The following SV2C variants were observed in gnomAD, a reference collection of about 807,000 sequenced individuals.
SV2C encodes solute carrier family 22 member B3.
SV2C carries 49 observed loss-of-function variants against 79.7 expected under a neutral mutation model. The ratio of observed to expected loss-of-function variants is 0.61; its 90% confidence interval spans 0.49 to 0.78. The LOEUF is 0.78. Among genes scored for constraint, SV2C ranks in the 30% least tolerant of loss-of-function variants. The probability of loss-of-function intolerance (pLI) is 0.00; values close to 1 mark genes in which losing one functional copy is unlikely to be tolerated. For synonymous variants in SV2C, 334 were observed against 333.2 expected, an observed-to-expected ratio of 1.00 and a Z score of -0.03; for missense variants, 833 against 912.9, an observed-to-expected ratio of 0.91 and a Z score of 1.13.
the SV2C span, among the ~76,000 whole-genome samples, chr5:75,948,262 T>C: frequency 3.3e-5 from 5 of 152,206 alleles, no homozygotes; most frequent in South Asian, 1.0e-3. Flanking sequence ...GTATTATGTT[T>C]TGAAATGTGG....
chr5:76,038,286 G>A, the SV2C span, among the ~76,000 whole-genome samples: 1 of 152,238 alleles, frequency 6.6e-6, no homozygotes, highest in Non-Finnish European at 1.5e-5. Flanking sequence ...AAATCAGTGA[G>A]TGAATGGATA....
At chr5:76,245,155 T>C (rs1561281434) in intron 4 of SV2C, among the ~76,000 whole-genome samples, 1 of 152,178 alleles carries the variant, frequency 6.6e-6, no homozygotes, top group Non-Finnish European at 1.5e-5. Context: ...TCTCTATATA[T>C]TTATATTTGC....
At chr5:75,880,481 C>T in the SV2C span, among the ~76,000 whole-genome samples, 15 of 152,196 alleles carry the variant, frequency 9.9e-5, no homozygotes, top group African/African-American at 3.4e-4. Context: ...TAAACCATCA[C>T]TCTTAAGTTT....
At chr5:76,295,267 G>A (rs1413049102) in intron 8 of SV2C, among the ~76,000 whole-genome samples, 3 of 152,202 alleles carry the variant, frequency 2.0e-5, no homozygotes, top group African/African-American at 4.8e-5. Context: ...GTCCTCCAGA[G>A]GGGACAAATA....
chr5:76,082,796 A>G (rs1252790931), upstream of SV2C, among the ~76,000 whole-genome samples: 5 of 151,900 alleles, frequency 3.3e-5, no homozygotes, highest in Non-Finnish European at 5.9e-5. Flanking sequence ...TTTCCTCTGG[A>G]CTTGTCTTCC....
the SV2C span, among the ~76,000 whole-genome samples, chr5:76,001,985 A>C: frequency 6.6e-6 from 1 of 151,764 alleles, no homozygotes; most frequent in East Asian, 1.9e-4. Context: ...AAAGTCCACT[A>C]TATCATTCTT....
chr5:75,898,139 C>T, the SV2C span, among the ~76,000 whole-genome samples: 1 of 152,178 alleles, frequency 6.6e-6, no homozygotes, highest in East Asian at 1.9e-4. Flanking sequence ...GCATCCCTGT[C>T]TTGTGCCAGT....
chr5:76,317,662 C>T (rs373606830), intron 12 of SV2C, among the ~76,000 whole-genome samples: 12 of 152,054 alleles, frequency 7.9e-5, no homozygotes, highest in African/African-American at 2.7e-4. Context: ...GGTACCCCAT[C>T]TCTACAAAAT....
intron 4 of SV2C, among the ~76,000 whole-genome samples, chr5:76,273,019 C>A (rs75422026): frequency 0.06 from 9,162 of 151,616 alleles, 406 homozygotes; most frequent in Middle Eastern, 0.11. Context: ...TATACAATGT[C>A]TATTTATAGA....
At chr5:75,985,987 A>G in the SV2C span, among the ~76,000 whole-genome samples, 5 of 151,652 alleles carry the variant, frequency 3.3e-5, no homozygotes, top group South Asian at 4.2e-4. Context: ...ACGTGTTTGT[A>G]TCTGTATTCT....
the SV2C span, chr5:75,911,891 C>T: frequency 7.8e-6 from 4 of 515,416 alleles, no homozygotes; most frequent in Admixed American, 6.0e-5. Flanking sequence ...GCCAAGACTC[C>T]TCTCACCCCA....
chr5:76,324,660 G>A (rs1479399725), intron 12 of SV2C, among the ~76,000 whole-genome samples: 3 of 151,366 alleles, frequency 2.0e-5, no homozygotes, highest in Admixed American at 1.3e-4. Flanking sequence ...CCAGGGCAAC[G>A]CAGGAGGACA....
At chr5:76,034,817 A>G in the SV2C span, among the ~76,000 whole-genome samples, 1 of 152,236 alleles carries the variant, frequency 6.6e-6, no homozygotes, top group Non-Finnish European at 1.5e-5. Flanking sequence ...TAGTTTCAGA[A>G]GGAATGGTAC....
At chr5:76,120,552 G>A (rs1748453628) in intron 1 of SV2C, among the ~76,000 whole-genome samples, 1 of 123,014 alleles carries the variant, frequency 8.1e-6, no homozygotes, top group East Asian at 2.4e-4. Context: ...AGTGTGTGAT[G>A]TTCCCCTTCC....
At chr5:75,945,401 T>A in the SV2C span, among the ~76,000 whole-genome samples, 5 of 151,906 alleles carry the variant, frequency 3.3e-5, no homozygotes, top group Non-Finnish European at 7.4e-5. Flanking sequence ...AATCTCTGCC[T>A]CCCAGGCTCA....
chr5:76,245,930 G>GTA (rs1554042676), intron 4 of SV2C, among the ~76,000 whole-genome samples: 27 of 142,570 alleles, frequency 1.9e-4, no homozygotes, highest in African/African-American at 3.7e-4. Context: ...GTGTGTGTGT[G>GTA]TGTGTATGTG....
At chr5:75,967,011 C>T in the SV2C span, among the ~76,000 whole-genome samples, 2 of 152,072 alleles carry the variant, frequency 1.3e-5, no homozygotes, top group African/African-American at 4.8e-5. Flanking sequence ...AAGGTATATA[C>T]ACTATCATTA....
chr5:76,046,029 G>T, the SV2C span, among the ~76,000 whole-genome samples: 1 of 152,156 alleles, frequency 6.6e-6, no homozygotes, highest in Non-Finnish European at 1.5e-5. Flanking sequence ...AGTCTGTAGA[G>T]CTTACTATAG....
At chr5:76,232,192 T>C (rs1437109656) in intron 4 of SV2C, among the ~76,000 whole-genome samples, 1 of 146,932 alleles carries the variant, frequency 6.8e-6, no homozygotes, top group Non-Finnish European at 1.5e-5. Context: ...TGGCCAGTGA[T>C]GGTGAGCATT....
Sources: gnomAD v4.1 joint callset for allele counts (sites outside exome capture counted in the v4.1 genomes callset) on GRCh38, gnomAD v4.1.1 for gene constraint, MANE v1.5 for transcripts, NCBI Gene and HGNC (gene_info 2026-07-23, HGNC 2026-07-21) for gene names.